The following EGFLAM variants were observed in gnomAD, a reference collection of about 807,000 sequenced individuals.
EGFLAM encodes pikachurin.
In EGFLAM, 79 loss-of-function variants were observed where a neutral mutation model predicts 113.1. The observed-to-expected ratio is 0.70, with a 90% CI of 0.58 to 0.84. EGFLAM has a LOEUF of 0.84. EGFLAM is among the 40% of genes least tolerant of loss of function. The pLI is 0.00. For synonymous variants in EGFLAM, 504 were observed against 487.6 expected (o/e 1.03, Z -0.44); for missense variants, 1,265 against 1,291.6 (o/e 0.98, Z 0.32).
chr5:38,386,191 A>G (rs1465876925), intron 6 of EGFLAM, among the ~76,000 whole-genome samples: 1 of 152,222 alleles, frequency 6.6e-6, no homozygotes, highest in African/African-American at 2.4e-5. Context: ...AGTTACCAAA[A>G]GGATCAGCCA....
chr5:38,373,835 A>G (rs1388711122), intron 6 of EGFLAM, among the ~76,000 whole-genome samples: 1 of 152,196 alleles, frequency 6.6e-6, no homozygotes, highest in Non-Finnish European at 1.5e-5. Context: ...AGAAGTCTCC[A>G]TAGTGTTTTC....
chr5:38,290,942 C>G (rs971679148), intron 1 of EGFLAM: 3 of 152,280 alleles, frequency 2.0e-5, no homozygotes, highest in African/African-American at 7.2e-5. Flanking sequence ...ATTAGCCGGG[C>G]GTGGTGGCGG....
chr5:38,312,462 G>C (rs1265840122), intron 1 of EGFLAM, among the ~76,000 whole-genome samples: 1 of 151,934 alleles, frequency 6.6e-6, no homozygotes, highest in Non-Finnish European at 1.5e-5. Flanking sequence ...GGATGGTCTT[G>C]ATCTGCTGAC....
chr5:38,460,047 T>C (rs753909722), intron 20 of EGFLAM, among the ~76,000 whole-genome samples: 7 of 152,230 alleles, frequency 4.6e-5, no homozygotes, highest in Non-Finnish European at 7.3e-5. Flanking sequence ...CCAAACTCTA[T>C]GGCTTCTAAC....
At chr5:38,347,427 A>C (rs1739500302) in intron 3 of EGFLAM, among the ~76,000 whole-genome samples, 1 of 152,178 alleles carries the variant, frequency 6.6e-6, no homozygotes, top group African/African-American at 2.4e-5. Context: ...CAAGGTGAGC[A>C]TTGCTCAGAT....
chr5:38,463,669 G>A (rs1000683065), intron 21 of EGFLAM, among the ~76,000 whole-genome samples, 163 bp from the exon 22 acceptor site: 2 of 152,130 alleles, frequency 1.3e-5, no homozygotes, highest in African/African-American at 4.8e-5. Flanking sequence ...ATTGAGAGAG[G>A]TGAGGTACTG....
rs569515316 is a variant in EGFLAM at position 38,384,866 on chromosome 5, A to C, written c.712+14404A>C. Among the ~76,000 whole-genome samples the C allele has an allele frequency of 5.2e-4, 79 of 152,230 alleles. No individual in the cohort carries two copies. The South Asian group carries it at 0.013, about 26-fold the overall frequency. ...TCAACTGGGGGTGATTTTGGTCCCCAAAGAATATTTGGCAATGCCTGGAGA... is the reference window on the plus strand; with the variant it reads ...TCAACTGGGGGTGATTTTGGTCCCCCAAGAATATTTGGCAATGCCTGGAGA... On this transcript the variant is annotated intron_variant, in intron 6 of 21. Coordinates refer to ENST00000322350, the MANE Select transcript of EGFLAM (RefSeq NM_152403.4).
chr5:38,383,684 A>G (rs1740576459), intron 6 of EGFLAM, among the ~76,000 whole-genome samples: 1 of 152,194 alleles, frequency 6.6e-6, no homozygotes, highest in South Asian at 2.1e-4. Flanking sequence ...ATTATATTAC[A>G]TAAATAATAT....
At chr5:38,340,530 G>A (rs1472698649) in intron 3 of EGFLAM, among the ~76,000 whole-genome samples, 1 of 152,170 alleles carries the variant, frequency 6.6e-6, no homozygotes, top group Non-Finnish European at 1.5e-5. Flanking sequence ...TTTGGAGGCA[G>A]CTTTCAGTCT....
chr5:38,375,083 G>A (rs2921222), intron 6 of EGFLAM, among the ~76,000 whole-genome samples: 21,720 of 122,828 alleles, frequency 0.18, 1,982 homozygotes, highest in African/African-American at 0.26. Flanking sequence ...TTTTTTGGCT[G>A]TGCAGAAACT....
At chr5:38,413,814 C>T (rs894650585) in intron 11 of EGFLAM, among the ~76,000 whole-genome samples, 8 of 152,200 alleles carry the variant, frequency 5.3e-5, no homozygotes, top group African/African-American at 1.2e-4. Context: ...AATTTTTCCA[C>T]GGACCAAAGT....
chr5:38,310,979 C>T (rs1033055294), intron 1 of EGFLAM, among the ~76,000 whole-genome samples: 3 of 152,100 alleles, frequency 2.0e-5, no homozygotes, highest in African/African-American at 7.2e-5. Context: ...TAATCTCCCA[C>T]TGCCCTGCGA....
chr5:38,290,540 C>G (rs1378796283), intron 1 of EGFLAM: 1 of 152,232 alleles, frequency 6.6e-6, no homozygotes, highest in Non-Finnish European at 1.5e-5. Context: ...TGACCTCTTA[C>G]TACTTGCTAC....
intron 1 of EGFLAM, among the ~76,000 whole-genome samples, chr5:38,297,281 A>G (rs1160982138): frequency 6.6e-6 from 1 of 152,216 alleles, no homozygotes; most frequent in Non-Finnish European, 1.5e-5. Context: ...TTCTGTAAGT[A>G]TAAACTTATT....
intron 6 of EGFLAM, among the ~76,000 whole-genome samples, chr5:38,384,449 G>T (rs1740603010): frequency 6.6e-6 from 1 of 152,192 alleles, no homozygotes; most frequent in Non-Finnish European, 1.5e-5. Flanking sequence ...TGAGAGCAGT[G>T]TGAGTGTTGC....
At chr5:38,337,904 T>C (rs1470598503) in intron 2 of EGFLAM, among the ~76,000 whole-genome samples, 1 of 152,114 alleles carries the variant, frequency 6.6e-6, no homozygotes, top group Non-Finnish European at 1.5e-5. Flanking sequence ...TGCTATTCAG[T>C]TGCCTATAGT....
At chr5:38,398,966 G>A (rs576561829) in intron 6 of EGFLAM, among the ~76,000 whole-genome samples, 32 of 152,320 alleles carry the variant, frequency 2.1e-4, no homozygotes, top group Admixed American at 3.3e-4. Flanking sequence ...AAACAACACA[G>A]TCAGCAGAGG....
rs189879635 is a variant in EGFLAM, at chr5:38,382,809, C to A, written c.712+12347C>A. On this transcript the variant is annotated intron_variant, in intron 6 of 21. Transcript: ENST00000322350. ...TCTTATTCCCACTGATATGAGGAGC[C>A]AAGAGGCCTGTCTTAGAACATAGAT... Among the ~76,000 whole-genome samples, 301 of 152,242 alleles carry A rather than the reference C, an allele frequency of 2.0e-3. 1 individual carries two copies. Among genetic ancestry groups the A allele is most frequent in the Non-Finnish European group, 3.1e-3 (210 of 68,016 alleles).
chr5:38,381,992 G>A (rs1349218377), intron 6 of EGFLAM, among the ~76,000 whole-genome samples: 1 of 152,328 alleles, frequency 6.6e-6, no homozygotes, highest in East Asian at 1.9e-4. Context: ...GAGTTCTGGG[G>A]CAGAAAAGTC....
Sources: allele counts gnomAD v4.1 joint callset (sites outside exome capture counted in the v4.1 genomes callset), GRCh38; gene constraint gnomAD v4.1.1; transcripts MANE v1.5; gene names NCBI Gene and HGNC (gene_info 2026-07-23, HGNC 2026-07-21).